NRG1: variants seen among roughly 807,000 people sequenced by gnomAD.
The protein encoded by NRG1 is pro-neuregulin-1, membrane-bound isoform.
NRG1 carries 18 observed loss-of-function variants against 63.8 expected under a neutral mutation model. That is an observed-to-expected ratio of 0.28 (90% CI 0.19 to 0.42). The LOEUF (loss-of-function observed/expected upper bound fraction) is 0.42. NRG1 is among the 10% of genes least tolerant of loss of function. NRG1 has a pLI of 1.00. For missense variants in NRG1, 762 were observed against 814.7 expected, an observed-to-expected ratio of 0.94 and a Z score of 0.79; for synonymous variants, 302 against 301.3, an observed-to-expected ratio of 1.00 and a Z score of -0.02.
intron 1 of NRG1, among the ~76,000 whole-genome samples, chr8:32,482,398 TTGTG>T (rs10689849): frequency 0.12 from 17,970 of 148,274 alleles, 1,184 homozygotes; most frequent in Admixed American, 0.17. Context: ...CTTTCTACTT[TTGTG>T]TGTGTGTGTG....
intron 1 of NRG1, among the ~76,000 whole-genome samples, chr8:32,502,357 A>G (rs1827960795): frequency 6.6e-6 from 1 of 150,628 alleles, no homozygotes; most frequent in East Asian, 2.0e-4. Flanking sequence ...ATCTGCCCCC[A>G]TGATTACAAT....
At chr8:32,223,735 G>A (rs1448588569) in intron 1 of NRG1, among the ~76,000 whole-genome samples, 1 of 152,114 alleles carries the variant, frequency 6.6e-6, no homozygotes, top group East Asian at 1.9e-4. Context: ...AGATGCTGTA[G>A]GCCCCAAGGA....
At chr8:32,224,952 T>C (rs1257730762) in intron 1 of NRG1, among the ~76,000 whole-genome samples, 1 of 152,182 alleles carries the variant, frequency 6.6e-6, no homozygotes, top group Non-Finnish European at 1.5e-5. Context: ...ACTCTAGAAT[T>C]TCTGAGTCAT....
chr8:31,987,202 A>G (rs1193667296), intron 1 of NRG1, among the ~76,000 whole-genome samples: 1 of 151,200 alleles, frequency 6.6e-6, no homozygotes, highest in Non-Finnish European at 1.5e-5. Context: ...TGGGAGGCTG[A>G]GGCAGAAGAA....
chr8:32,498,119 G>T (rs1362807435), intron 1 of NRG1, among the ~76,000 whole-genome samples: 1 of 152,086 alleles, frequency 6.6e-6, no homozygotes, highest in Admixed American at 6.5e-5. Flanking sequence ...CACTGTGCCC[G>T]GCCCCACAAT....
chr8:32,423,063 G>C (rs1006364485), intron 1 of NRG1, among the ~76,000 whole-genome samples: 4 of 152,148 alleles, frequency 2.6e-5, no homozygotes, highest in Non-Finnish European at 4.4e-5. Flanking sequence ...AGATTGTTCT[G>C]GTCCAAACCC....
chr8:32,651,208 A>T (rs1171890052), intron 5 of NRG1, among the ~76,000 whole-genome samples: 1 of 152,186 alleles, frequency 6.6e-6, no homozygotes, highest in East Asian at 1.9e-4. Flanking sequence ...TTTCTTTCAT[A>T]AAGTAATATT....
chr8:32,415,843 T>C (rs1174206751), intron 1 of NRG1, among the ~76,000 whole-genome samples: 2 of 152,234 alleles, frequency 1.3e-5, no homozygotes, highest in African/African-American at 4.8e-5. Context: ...AAATCATGGC[T>C]GGCCAAGTAC....
intron 1 of NRG1, among the ~76,000 whole-genome samples, chr8:31,904,565 A>G (rs1320791082): frequency 1.3e-5 from 2 of 152,192 alleles, no homozygotes; most frequent in Non-Finnish European, 2.9e-5. Flanking sequence ...TACCATAAAG[A>G]CACACGCATG....
At chr8:32,477,143 C>T (rs748734338) in intron 1 of NRG1, among the ~76,000 whole-genome samples, 9 of 152,108 alleles carry the variant, frequency 5.9e-5, no homozygotes, top group East Asian at 5.8e-4. Context: ...CAAGTCTGAT[C>T]GTCTCACTGG....
At chr8:32,038,270 G>T (rs551644702) in intron 1 of NRG1, among the ~76,000 whole-genome samples, 7 of 152,156 alleles carry the variant, frequency 4.6e-5, no homozygotes, top group African/African-American at 1.7e-4. Flanking sequence ...GTGGGCCCTC[G>T]CTCCACCCTG....
At chr8:31,889,525 G>C (rs529045061) in intron 1 of NRG1, among the ~76,000 whole-genome samples, 8 of 152,198 alleles carry the variant, frequency 5.3e-5, no homozygotes, top group Non-Finnish European at 1.2e-4. Flanking sequence ...TGCTAAAGCT[G>C]AAGGAGTCTT....
At chr8:31,657,139 G>A (rs1283417531) in intron 1 of NRG1, among the ~76,000 whole-genome samples, 2 of 152,188 alleles carry the variant, frequency 1.3e-5, no homozygotes, top group Admixed American at 6.5e-5. Context: ...ACCACCATGG[G>A]AAGAATGATT....
chr8:32,174,291 C>A (rs1840430222), intron 1 of NRG1, among the ~76,000 whole-genome samples: 1 of 151,898 alleles, frequency 6.6e-6, no homozygotes, highest in African/African-American at 2.4e-5. Context: ...CCAACGAGAA[C>A]AAAGACACAA....
At chr8:32,405,626 C>G (rs16879347) in intron 1 of NRG1, among the ~76,000 whole-genome samples, 1 of 152,228 alleles carries the variant, frequency 6.6e-6, no homozygotes, top group East Asian at 1.9e-4. Context: ...ACAAAATGCT[C>G]ATTTATAATT....
chr8:32,446,290 T>C (rs1420210850), intron 1 of NRG1, among the ~76,000 whole-genome samples: 1 of 152,176 alleles, frequency 6.6e-6, no homozygotes, highest in Non-Finnish European at 1.5e-5. Context: ...TTACTTCTTT[T>C]TTCATTACGC....
chr8:31,820,482 C>A (rs1396667740), intron 1 of NRG1, among the ~76,000 whole-genome samples: 1 of 152,176 alleles, frequency 6.6e-6, no homozygotes, highest in Non-Finnish European at 1.5e-5. Context: ...ACTTCTGAGA[C>A]ATACTGTCCA....
At chr8:31,960,111 A>G (rs1408784651) in intron 1 of NRG1, among the ~76,000 whole-genome samples, 1 of 152,226 alleles carries the variant, frequency 6.6e-6, no homozygotes, top group Non-Finnish European at 1.5e-5. Context: ...TGGGAGACTT[A>G]AATGAAAGCA....
chr8:32,177,466 CTTAAA>C (rs1840914450), intron 1 of NRG1, among the ~76,000 whole-genome samples: 2 of 151,994 alleles, frequency 1.3e-5, no homozygotes. Flanking sequence ...TACCCTAAAA[CTTAAA>C]TTATAATAAA....
Sources: gnomAD v4.1 joint callset for allele counts (sites outside exome capture counted in the v4.1 genomes callset) on GRCh38, gnomAD v4.1.1 for gene constraint, MANE v1.5 for transcripts, NCBI Gene and HGNC (gene_info 2026-07-23, HGNC 2026-07-21) for gene names.